The following KCNIP4 variants were observed in gnomAD, a reference collection of about 807,000 sequenced individuals.
KCNIP4 encodes the protein potassium voltage-gated channel interacting protein 4, also known as Kv channel-interacting protein 4.
A neutral mutation model predicts 34.0 loss-of-function variants in KCNIP4; 12 were observed. That is an observed-to-expected ratio of 0.35 (90% CI 0.23 to 0.57). The LOEUF (loss-of-function observed/expected upper bound fraction) is 0.57, where lower values mean the gene tolerates loss of function less well. Ranked by LOEUF, KCNIP4 falls within the 20% of genes least tolerant of loss-of-function variation. The probability of loss-of-function intolerance (pLI) is 0.83; values close to 1 mark genes in which losing one functional copy is unlikely to be tolerated. For missense variants in KCNIP4, 238 were observed against 311.7 expected (o/e 0.76, Z 1.78); for synonymous variants, 124 against 102.2 (o/e 1.21, Z -1.29).
intron 1 of KCNIP4, among the ~76,000 whole-genome samples, chr4:21,074,491 T>C (rs57953566): frequency 0.023 from 3,546 of 152,272 alleles, 125 homozygotes; most frequent in African/African-American, 0.08. Flanking sequence ...ATATCCCCTT[T>C]ATCATTTTTT....
chr4:21,558,091 C>T (rs934922510), intron 1 of KCNIP4, among the ~76,000 whole-genome samples: 1 of 152,110 alleles, frequency 6.6e-6, no homozygotes, highest in Non-Finnish European at 1.5e-5. Flanking sequence ...GTGTTGGTAG[C>T]CAGAAACTTC....
chr4:21,201,178 G>A (rs562943818), intron 1 of KCNIP4, among the ~76,000 whole-genome samples: 2 of 152,334 alleles, frequency 1.3e-5, no homozygotes, highest in South Asian at 4.1e-4. Context: ...GTATCAATGA[G>A]CTTCATGAAG....
chr4:21,255,732 A>G (rs989076042), intron 1 of KCNIP4, among the ~76,000 whole-genome samples: 2 of 152,208 alleles, frequency 1.3e-5, no homozygotes, highest in Non-Finnish European at 2.9e-5. Flanking sequence ...TTGAACAGAC[A>G]TTTGTTGCAC....
At chr4:21,682,138 C>A (rs1750412197) in intron 1 of KCNIP4, among the ~76,000 whole-genome samples, 1 of 152,126 alleles carries the variant, frequency 6.6e-6, no homozygotes, top group Admixed American at 6.5e-5. Flanking sequence ...GTGATTATGT[C>A]CATGTCAGCC....
intron 1 of KCNIP4, among the ~76,000 whole-genome samples, chr4:21,319,514 C>T (rs758369960): frequency 1.3e-4 from 20 of 152,326 alleles, no homozygotes; most frequent in South Asian, 1.0e-3. Context: ...CTGGAGGCTG[C>T]CTTCTCCTGG....
intron 3 of KCNIP4, among the ~76,000 whole-genome samples, chr4:20,813,878 A>G (rs1164481643): frequency 2.0e-5 from 3 of 152,202 alleles, no homozygotes; most frequent in Admixed American, 6.5e-5. Context: ...ATTTGCCGAC[A>G]ATTTTTCAGC....
At chr4:20,777,157 C>T (rs781559526) in intron 3 of KCNIP4, among the ~76,000 whole-genome samples, 16 of 152,214 alleles carry the variant, frequency 1.1e-4, no homozygotes, top group African/African-American at 1.4e-4. Flanking sequence ...GGGCTATAGA[C>T]GCCTCAGAAA....
At chr4:21,840,155 AG>A (rs1390580519) in intron 1 of KCNIP4, among the ~76,000 whole-genome samples, 1 of 151,396 alleles carries the variant, frequency 6.6e-6, no homozygotes, top group Non-Finnish European at 1.5e-5. Flanking sequence ...GATAATGGAG[AG>A]GGGTTAGGGC....
At chr4:21,836,148 G>A (rs938561432) in intron 1 of KCNIP4, among the ~76,000 whole-genome samples, 1 of 152,100 alleles carries the variant, frequency 6.6e-6, no homozygotes, top group Non-Finnish European at 1.5e-5. Flanking sequence ...TGGGAAGTGG[G>A]TGCATTGTTT....
At chr4:20,913,910 C>T (rs1379105841) in intron 1 of KCNIP4, among the ~76,000 whole-genome samples, 1 of 152,102 alleles carries the variant, frequency 6.6e-6, no homozygotes, top group East Asian at 1.9e-4. Context: ...AATCCCAGCA[C>T]TTTGGGAGGC....
chr4:21,865,722 T>C (rs929583697), intron 1 of KCNIP4, among the ~76,000 whole-genome samples: 2 of 151,838 alleles, frequency 1.3e-5, no homozygotes, highest in African/African-American at 4.8e-5. Context: ...TTTGTATTAT[T>C]AGTAGAGATG....
intron 1 of KCNIP4, among the ~76,000 whole-genome samples, chr4:21,297,590 GTTCAT>G (rs1763914056): frequency 6.6e-6 from 1 of 152,002 alleles, no homozygotes. Context: ...ATCATTTTTA[GTTCAT>G]TTCGTCTCTC....
rs1439790617 is a variant in KCNIP4, at chr4:21,749,010, T to C, written c.61+199561A>G. ...GGCTGTAATAACTACTAGAATAAAT[T>C]ACTCAATTCTTAAAGTAACAGCTTA... On this transcript the variant is annotated intron_variant, in intron 1 of 8. Transcript: ENST00000382152. Among the ~76,000 whole-genome samples the C allele has an allele frequency of 2.0e-5, 3 of 152,170 alleles. No homozygotes were observed. In the East Asian group the frequency reaches 5.8e-4, roughly 29 times the overall value.
chr4:20,887,638 T>G (rs1236938816), intron 1 of KCNIP4, among the ~76,000 whole-genome samples: 1 of 152,036 alleles, frequency 6.6e-6, no homozygotes, highest in Admixed American at 6.6e-5. Context: ...ACCCAGAATT[T>G]TACCTATGTT....
At chr4:20,839,500 A>ATT (rs1449382177) in intron 3 of KCNIP4, among the ~76,000 whole-genome samples, 2 of 149,114 alleles carry the variant, frequency 1.3e-5, no homozygotes, top group African/African-American at 4.9e-5. Context: ...TATATTATAT[A>ATT]TATATATATA....
At chr4:21,279,262 AG>A (rs1762629535) in intron 1 of KCNIP4, among the ~76,000 whole-genome samples, 1 of 152,146 alleles carries the variant, frequency 6.6e-6, no homozygotes, top group Admixed American at 6.5e-5. Flanking sequence ...GAGTTAGGGT[AG>A]GGTGGCACAA....
intron 1 of KCNIP4, among the ~76,000 whole-genome samples, chr4:21,060,269 AAATT>A (rs1743797258): frequency 6.6e-6 from 1 of 152,158 alleles, no homozygotes; most frequent in Non-Finnish European, 1.5e-5. Flanking sequence ...CAGCCTTAAA[AAATT>A]AATTAAATGC....
At chr4:21,213,223 G>A (rs879772989) in intron 1 of KCNIP4, among the ~76,000 whole-genome samples, 18 of 152,000 alleles carry the variant, frequency 1.2e-4, no homozygotes, top group African/African-American at 2.2e-4. Context: ...AAATTCCATC[G>A]AATCCAATCA....
intron 1 of KCNIP4, among the ~76,000 whole-genome samples, chr4:20,939,517 G>A (rs912137734): frequency 6.6e-6 from 1 of 151,990 alleles, no homozygotes. Context: ...GGGATTACAG[G>A]CATATACCAC....
Sources: allele counts gnomAD v4.1 joint callset (sites outside exome capture counted in the v4.1 genomes callset), GRCh38; gene constraint gnomAD v4.1.1; transcripts MANE v1.5; gene names NCBI Gene and HGNC (gene_info 2026-07-23, HGNC 2026-07-21).